VPS13A: variants seen among roughly 807,000 people sequenced by gnomAD.
The protein encoded by VPS13A is intermembrane lipid transfer protein VPS13A.
VPS13A carries 264 observed loss-of-function variants against 390.9 expected under a neutral mutation model. The ratio of observed to expected loss-of-function variants is 0.68; its 90% CI spans 0.61 to 0.75. VPS13A has a LOEUF of 0.75. VPS13A is among the 30% of genes least tolerant of loss of function. VPS13A has a pLI of 0.00. For synonymous variants in VPS13A, 1,231 were observed against 1,227.1 expected (o/e 1.00, Z -0.07); for missense variants, 3,409 against 3,733.9 (o/e 0.91, Z 2.27).
intron 31 of VPS13A, among the ~76,000 whole-genome samples, chr9:77,284,939 A>T (rs1240426248): frequency 1.3e-5 from 2 of 152,028 alleles, no homozygotes; most frequent in East Asian, 3.9e-4. Flanking sequence ...TCCTGGCCTC[A>T]AGTGGTCTGC....
intron 17 of VPS13A, among the ~76,000 whole-genome samples, chr9:77,231,735 G>A (rs1823841551): frequency 6.6e-6 from 1 of 152,080 alleles, no homozygotes; most frequent in South Asian, 2.1e-4. Context: ...GTCCTTTGGT[G>A]TACGGAAGTT....
intron 71 of VPS13A, among the ~76,000 whole-genome samples, chr9:77,410,050 G>C (rs915925255): frequency 1.3e-5 from 2 of 151,948 alleles, no homozygotes; most frequent in African/African-American, 4.8e-5. Context: ...AGAGAGAAAG[G>C]TCAGGTTACC....
intron 59 of VPS13A, among the ~76,000 whole-genome samples, chr9:77,362,633 T>C (rs1832206620): frequency 6.6e-6 from 1 of 152,200 alleles, no homozygotes; most frequent in Non-Finnish European, 1.5e-5. Flanking sequence ...TAGAATCAAC[T>C]TGTCAGGTTC....
intron 61 of VPS13A, 122 bp from the exon 62 acceptor site, chr9:77,367,933 G>A (rs1242994310): frequency 3.3e-6 from 3 of 915,364 alleles, no homozygotes; most frequent in South Asian, 3.0e-5. Context: ...ATTGGCATGG[G>A]AAAATGTACT....
chr9:77,252,559 G>T (rs143753755), intron 22 of VPS13A, among the ~76,000 whole-genome samples: 40 of 152,202 alleles, frequency 2.6e-4, no homozygotes, highest in African/African-American at 9.4e-4. Context: ...CACGCATGTT[G>T]TTATGCAACC....
chr9:77,298,442 A>G (rs372107824), intron 33 of VPS13A, among the ~76,000 whole-genome samples: 1 of 152,188 alleles, frequency 6.6e-6, no homozygotes, highest in East Asian at 1.9e-4. Flanking sequence ...GTAGGAGCAG[A>G]CAGAGAGATG....
At chr9:77,305,332 A>C (rs1828674700) in intron 34 of VPS13A, among the ~76,000 whole-genome samples, 1 of 152,254 alleles carries the variant, frequency 6.6e-6, no homozygotes, top group Non-Finnish European at 1.5e-5. Context: ...TGGCTGCTTT[A>C]ACTTACAGGG....
chr9:77,414,066 G>A (rs1294290695), intron 71 of VPS13A, among the ~76,000 whole-genome samples: 2 of 152,112 alleles, frequency 1.3e-5, no homozygotes, highest in South Asian at 2.1e-4. Flanking sequence ...TTAGAATGGT[G>A]ATCATTAAAA....
At chr9:77,341,072 A>G (rs1830779778) in intron 50 of VPS13A, among the ~76,000 whole-genome samples, 1 of 152,090 alleles carries the variant, frequency 6.6e-6, no homozygotes, top group Non-Finnish European at 1.5e-5. Context: ...AGGATTAGAG[A>G]AGTTTTTGCT....
At chr9:77,194,545 A>C (rs1353502599) in intron 1 of VPS13A, among the ~76,000 whole-genome samples, 1 of 152,116 alleles carries the variant, frequency 6.6e-6, no homozygotes, top group Non-Finnish European at 1.5e-5. Flanking sequence ...CTCCGTGCAG[A>C]CTGGAGTCCT....
In VPS13A at chr9:77,327,653, A is replaced by ATTATTAT. The variant is rs139014781; in HGVS notation, c.5992-4356_5992-4355insTATTATT. On this transcript the variant is annotated intron_variant, in intron 45 of 71. Coordinates refer to ENST00000360280, the MANE Select transcript of VPS13A (RefSeq NM_033305.3). ...TTCTGATATTATTATTATTATTATTATATATTAATCAGAATAATACATTTT... is the reference window on the plus strand; with the variant it reads ...TTCTGATATTATTATTATTATTATTATTATTATTATATTAATCAGAATAATACATTTT... Among the ~76,000 whole-genome samples, 115 of 151,294 alleles carry ATTATTAT rather than the reference A, an allele frequency of 7.6e-4. 1 individual carries two copies. Among genetic ancestry groups the ATTATTAT allele is most frequent in the Non-Finnish European group, 1.4e-3 (94 of 67,760 alleles).
intron 51 of VPS13A, 25 bp downstream of exon 51, chr9:77,344,306 T>C (rs1336182539): frequency 1.9e-6 from 3 of 1,610,780 alleles, no homozygotes; most frequent in South Asian, 1.1e-5. Context: ...CTTTTTTGCA[T>C]GTGTCATTAG....
intron 45 of VPS13A, among the ~76,000 whole-genome samples, chr9:77,323,583 G>T (rs1829859179): frequency 6.6e-6 from 1 of 151,908 alleles, no homozygotes; most frequent in Non-Finnish European, 1.5e-5. Context: ...GCTTTATTGA[G>T]GTATGTACAA....
At chr9:77,392,422 C>CT (rs1231578790) in intron 68 of VPS13A, among the ~76,000 whole-genome samples, 7 of 152,100 alleles carry the variant, frequency 4.6e-5, no homozygotes. Flanking sequence ...CAATTGTAGC[C>CT]TTTTTCCTTT....
chr9:77,191,318 G>A (rs1824674308), intron 1 of VPS13A, among the ~76,000 whole-genome samples: 1 of 138,022 alleles, frequency 7.2e-6, no homozygotes, highest in Non-Finnish European at 1.5e-5. Flanking sequence ...TTTTGAGACA[G>A]GTTCTTGCCC....
chr9:77,321,858 GT>G, intron 44 of VPS13A, 112 bp downstream of exon 44: 3 of 1,342,042 alleles, frequency 2.2e-6, no homozygotes, highest in African/African-American at 1.5e-5. Context: ...TTTTGTTTTT[GT>G]TTTTTTAAAA....
At chr9:77,218,490 C>T (rs1450397993) in intron 10 of VPS13A, among the ~76,000 whole-genome samples, 2 of 152,040 alleles carry the variant, frequency 1.3e-5, no homozygotes, top group Non-Finnish European at 2.9e-5. Flanking sequence ...TATTAGTCCC[C>T]TGTATGATTG....
chr9:77,287,721 G>T (rs888460933), intron 31 of VPS13A, among the ~76,000 whole-genome samples: 1 of 152,294 alleles, frequency 6.6e-6, no homozygotes, highest in East Asian at 1.9e-4. Flanking sequence ...GTGGATTTGA[G>T]CCCTGTTGAA....
Position 77,356,744 on chromosome 9 carries a change from G to A in VPS13A, c.7683G>A (p.Lys2561=). ...SSDVVWETKP[K]KKARWKPMSV... ...ATGTGGTTTGGGAAACAAAGCCCAA[G>A]AAGAAGGCAAGATGGAAGCCAATGA... Residue 2561 remains lysine (K), a synonymous_variant, in exon 55 of 72, where the codon AAG becomes AAA. Transcript: ENST00000360280. 1 of 1,613,370 alleles carries A rather than the reference G, an allele frequency of 6.2e-7. No homozygotes were observed. Among genetic ancestry groups the A allele is most frequent in the Non-Finnish European group, 8.5e-7 (1 of 1,179,588 alleles).
Sources: gnomAD v4.1 joint callset for allele counts (sites outside exome capture counted in the v4.1 genomes callset) on GRCh38, gnomAD v4.1.1 for gene constraint, MANE v1.5 for transcripts, NCBI Gene and HGNC (gene_info 2026-07-23, HGNC 2026-07-21) for gene names.